ELOVL3: variants seen among roughly 807,000 people sequenced by gnomAD.
The protein encoded by ELOVL3 is ELOVL fatty acid elongase 3.
In ELOVL3, 11 loss-of-function variants were observed where a neutral mutation model predicts 14.9. The observed-to-expected ratio is 0.74, with a 90% CI of 0.46 to 1.22. The LOEUF (loss-of-function observed/expected upper bound fraction) is 1.22. ELOVL3 is among the 50% of genes most tolerant of loss of function. ELOVL3 has a pLI of 0.00. For missense variants in ELOVL3, 277 were observed against 338.9 expected, an observed-to-expected ratio of 0.82 and a Z score of 1.43; for synonymous variants, 117 against 124.7, an observed-to-expected ratio of 0.94 and a Z score of 0.41.
In ELOVL3 at chr10:102,226,356, C is replaced by A; in HGVS notation, c.-193C>A. On this transcript the variant is annotated 5_prime_UTR_variant, in exon 1 of 4. Transcript: ENST00000370005. The stretch of plus-strand genomic sequence containing the variant: ...AGCTTTGCAAGTCCGCGTTATATAT[C>A]GCAGTGGCTGCGCCCGGGATAGCTG... The A allele has an allele frequency of 1.8e-6, 1 of 566,596 alleles. No homozygotes were observed. The allele number at this position is 566,596 out of a possible 1,614,324, so 35.1% of individuals were successfully genotyped here.
chr10:102,229,398 C>T lies in ELOVL3; in HGVS notation c.*146C>T. 1 of 754,218 alleles carries T rather than the reference C, an allele frequency of 1.3e-6. No homozygotes were observed. Among genetic ancestry groups the T allele is most frequent in the Non-Finnish European group, 2.1e-6 (1 of 477,922 alleles). The allele number at this position is 754,218 out of a possible 1,614,324, so 46.7% of individuals were successfully genotyped here. A position where few individuals can be genotyped will look rare whatever the true frequency, so the allele number is the denominator to read the frequency against. ...GCCCCAAGGTGGCTGGAATTTTTGACAGACAAGAAGGGTGACCTTGGGATG... is the reference window on the plus strand; with the variant it reads ...GCCCCAAGGTGGCTGGAATTTTTGATAGACAAGAAGGGTGACCTTGGGATG... On this transcript the variant is annotated 3_prime_UTR_variant, in exon 4 of 4. Transcript: ENST00000370005.
chr10:102,226,702 G>A, intron 1 of ELOVL3, 53 bp downstream of exon 1: 2 of 1,316,580 alleles, frequency 1.5e-6, no homozygotes, highest in South Asian at 1.2e-5. Flanking sequence ...GCCGGGGCGC[G>A]AGGGGGTGGC....
chr10:102,229,498 G>A lies in ELOVL3; in HGVS notation c.*246G>A, dbSNP rs1431059448. The A allele has an allele frequency of 1.1e-5, 5 of 475,658 alleles. No homozygotes were observed. The highest frequency in any genetic ancestry group is 3.8e-5 in the Admixed American group (1 of 26,500). The allele number at this position is 475,658 out of a possible 1,614,324, so 29.5% of individuals were successfully genotyped here. On this transcript the variant is annotated 3_prime_UTR_variant, in exon 4 of 4. Coordinates refer to ENST00000370005, the MANE Select transcript of ELOVL3 (RefSeq NM_152310.3). Reference sequence around the variant, plus strand: ...GCAGGCCCTGGGATGGGAGTGGGGCGGAGGAGGGTCCTAAGAGCTGATTAT... The same window carrying A: ...GCAGGCCCTGGGATGGGAGTGGGGCAGAGGAGGGTCCTAAGAGCTGATTAT...
chr10:102,226,528 C>T lies in ELOVL3; in HGVS notation c.-21C>T, dbSNP rs1171000459. ...TCACCCAGCGCCTCCAAGCTTTGGA[C>T]CTTGACTTCTGCAAAACTAGATGGT... On this transcript the variant is annotated 5_prime_UTR_variant, in exon 1 of 4. Coordinates refer to ENST00000370005, the MANE Select transcript of ELOVL3 (RefSeq NM_152310.3). The T allele has an allele frequency of 6.3e-7, 1 of 1,593,880 alleles. No homozygotes were observed. The highest frequency in any genetic ancestry group is 8.6e-7 in the Non-Finnish European group (1 of 1,162,000).
At chr10:102,227,565 G>T in intron 1 of ELOVL3, 61 bp from the exon 2 acceptor site, 1 of 1,562,184 alleles carries the variant, frequency 6.4e-7, no homozygotes, top group Non-Finnish European at 8.7e-7. Flanking sequence ...GGAGAGATGA[G>T]TGGGCATTTC....
At chr10:102,228,395 A>G (rs2070157565) in intron 2 of ELOVL3, 22 bp from the exon 3 acceptor site, 1 of 1,611,232 alleles carries the variant, frequency 6.2e-7, no homozygotes, top group African/African-American at 1.3e-5. Context: ...CACTTACACC[A>G]TCTTCCTTTG....
chr10:102,225,500 G>A (rs917056718), upstream of ELOVL3, among the ~76,000 whole-genome samples: 10 of 152,286 alleles, frequency 6.6e-5, no homozygotes, highest in Admixed American at 5.9e-4. Context: ...AAAGAAATAA[G>A]GGACAGCCAA....
chr10:102,227,763 A>AC lies in ELOVL3; in HGVS notation c.233+10dup. 6.2e-7 allele frequency: 1 copy of AC among 1,612,978 alleles called. No individual in the cohort carries two copies. The highest frequency in any genetic ancestry group is 8.5e-7 in the Non-Finnish European group (1 of 1,179,560). On this transcript the variant is annotated splice_region_variant and intron_variant, in intron 2 of 3. Transcript: ENST00000370005. ...TTCTGCCTTGCAATCTTCAGGTAAGACCCCATCCCACTCCCTGCCTCTTCT... is the reference window on the plus strand; with the variant it reads ...TTCTGCCTTGCAATCTTCAGGTAAGACCCCCATCCCACTCCCTGCCTCTTCT...
chr10:102,229,354 G>A lies in ELOVL3; in HGVS notation c.*102G>A. ...ATGATTAGGTTGCCTTACCTGCATG[G>A]TTTCCCCAGAGGATGTGTGCCCCAA... On this transcript the variant is annotated 3_prime_UTR_variant, in exon 4 of 4. Coordinates refer to ENST00000370005, the MANE Select transcript of ELOVL3 (RefSeq NM_152310.3). 1 of 1,190,068 alleles carries A rather than the reference G, an allele frequency of 8.4e-7. No individual in the cohort carries two copies. The highest frequency in any genetic ancestry group is 1.2e-6 in the Non-Finnish European group (1 of 863,382). 73.7% of individuals were successfully genotyped at this position (1,190,068 alleles called of 1,614,324 possible). A position where few individuals can be genotyped will look rare whatever the true frequency, so the allele number is the denominator to read the frequency against.
chr10:102,226,692 G>T, intron 1 of ELOVL3, 43 bp downstream of exon 1: 1 of 1,457,886 alleles, frequency 6.9e-7, no homozygotes, highest in Non-Finnish European at 9.6e-7. Flanking sequence ...GGGCCCCGGG[G>T]CCGGGGCGCG....
At chr10:102,226,291 G>A, upstream of ELOVL3, 2 of 458,046 alleles carry the variant, frequency 4.4e-6, no homozygotes, top group Non-Finnish European at 7.9e-6. Context: ...ATTGGATAGC[G>A]GCGGGGCGCA....
chr10:102,229,079 G>A lies in ELOVL3; in HGVS notation c.640G>A (p.Ala214Thr). ...GCAGATCTTGCAGATGTTTGTAGGA[G>A]CCATCGTCAGCATCCTCACGTACAT... ...SLQILQMFVG[A>T]IVSILTYIWR... Residue 214 changes from alanine (A) to threonine (T), a missense_variant, in exon 4 of 4, where the codon GCC becomes ACC. Coordinates refer to ENST00000370005, the MANE Select transcript of ELOVL3 (RefSeq NM_152310.3). 6.2e-7 allele frequency: 1 copy of A among 1,614,194 alleles called. No homozygotes were observed. The highest frequency in any genetic ancestry group is 8.5e-7 in the Non-Finnish European group (1 of 1,180,040).
upstream of ELOVL3, among the ~76,000 whole-genome samples, chr10:102,224,876 G>A (rs780119745): frequency 9.9e-5 from 15 of 151,878 alleles, no homozygotes; most frequent in South Asian, 2.1e-4. Context: ...TGTTAGCCAG[G>A]ATGGTCTCGA....
Position 102,226,379 on chromosome 10 carries a change from C to T in ELOVL3, c.-170C>T, listed in dbSNP as rs1315794456. On this transcript the variant is annotated 5_prime_UTR_variant, in exon 1 of 4. Transcript: ENST00000370005. ...ATCGCAGTGGCTGCGCCCGGGATAG[C>T]TGGCTGCGCCGCCGCGCACATGCCT... The T allele has an allele frequency of 1.7e-6, 1 of 576,990 alleles. No homozygotes were observed. The highest frequency in any genetic ancestry group is 3.0e-5 in the East Asian group (1 of 33,012). 35.7% of individuals were successfully genotyped at this position (576,990 alleles called of 1,614,324 possible).
At chr10:102,225,280 G>A (rs1190111040), upstream of ELOVL3, among the ~76,000 whole-genome samples, 2 of 152,150 alleles carry the variant, frequency 1.3e-5, no homozygotes, top group Non-Finnish European at 2.9e-5. Flanking sequence ...CTACACCCTC[G>A]CATAGACAGT....
intron 2 of ELOVL3, 47 bp downstream of exon 2, chr10:102,227,804 C>T: frequency 6.2e-7 from 1 of 1,600,660 alleles, no homozygotes; most frequent in Non-Finnish European, 8.5e-7. Context: ...TCTTAGACCA[C>T]CATTCTATCC....
upstream of ELOVL3, among the ~76,000 whole-genome samples, chr10:102,226,127 T>C (rs1427063216): frequency 6.6e-6 from 1 of 152,144 alleles, no homozygotes; most frequent in African/African-American, 2.4e-5. Context: ...GTGGACGTTT[T>C]ACGGGAGAAA....
chr10:102,227,789 C>T, intron 2 of ELOVL3, 32 bp downstream of exon 2: 4 of 1,610,416 alleles, frequency 2.5e-6, no homozygotes, highest in Non-Finnish European at 3.4e-6. Flanking sequence ...TGCCTCTTCT[C>T]TAGATCTTAG....
chr10:102,228,776 G>T (rs1454442953), intron 3 of ELOVL3, 49 bp from the exon 4 acceptor site: 1 of 1,538,146 alleles, frequency 6.5e-7, no homozygotes, highest in Non-Finnish European at 8.9e-7. Context: ...AGTGCAGAGG[G>T]TGGTCCCAGC....
Sources: allele counts gnomAD v4.1 joint callset (sites outside exome capture counted in the v4.1 genomes callset), GRCh38; gene constraint gnomAD v4.1.1; transcripts MANE v1.5; gene names NCBI Gene and HGNC (gene_info 2026-07-23, HGNC 2026-07-21).